Variants in TBL1X observed in about 807,000 individuals in gnomAD.
The protein encoded by TBL1X is F-box-like/WD repeat-containing protein TBL1X.
TBL1X carries 10 observed loss-of-function variants against 50.7 expected under a neutral mutation model. The observed-to-expected ratio is 0.20, with a 90% CI of 0.12 to 0.33. TBL1X has a LOEUF of 0.33. TBL1X is among the 10% of genes least tolerant of loss of function. The probability of loss-of-function intolerance (pLI) is 1.00; values close to 1 mark genes in which losing one functional copy is unlikely to be tolerated. For synonymous variants in TBL1X, 190 were observed against 214.7 expected, an observed-to-expected ratio of 0.88 and a Z score of 1.01; for missense variants, 340 against 504.4, an observed-to-expected ratio of 0.67 and a Z score of 3.12.
At chrX:9,711,212 G>A (rs1218694978) in intron 15 of TBL1X, among the ~76,000 whole-genome samples, 1 of 108,816 alleles carries the variant, frequency 9.2e-6, no homozygotes, top group Non-Finnish European at 1.9e-5. Flanking sequence ...GCCGGGTGTG[G>A]ACCTATGGTT....
intron 17 of TBL1X, 105 bp downstream of exon 17, chrX:9,715,108 C>A: frequency 1.3e-6 from 1 of 795,720 alleles, no homozygotes; most frequent in Non-Finnish European, 1.8e-6. Flanking sequence ...AGGGCCTAGC[C>A]CAGTGCCAAA....
chrX:9,516,707 C>T (rs1263979922), intron 2 of TBL1X, among the ~76,000 whole-genome samples: 1 of 112,262 alleles, frequency 8.9e-6, no homozygotes, highest in Non-Finnish European at 1.9e-5. Context: ...TGATTGGAAG[C>T]CCATCGTTTT....
intron 2 of TBL1X, among the ~76,000 whole-genome samples, chrX:9,584,316 G>A (rs772056850): frequency 2.7e-5 from 3 of 112,510 alleles, no homozygotes; most frequent in South Asian, 3.7e-4. Context: ...CACAGTGAAC[G>A]TGTTAGATTA....
chrX:9,468,778 GGA>G (rs1020855584), intron 1 of TBL1X, among the ~76,000 whole-genome samples: 4 of 110,314 alleles, frequency 3.6e-5, no homozygotes, highest in Non-Finnish European at 5.7e-5. Flanking sequence ...TCGGGTAGAG[GGA>G]GAGAGAGATT....
chrX:9,694,170 C>T (rs1423019121), intron 11 of TBL1X, among the ~76,000 whole-genome samples: 1 of 106,495 alleles, frequency 9.4e-6, no homozygotes, highest in Admixed American at 1.0e-4. Flanking sequence ...AACAGTTGTG[C>T]GTTCCCGAGA....
At chrX:9,574,264 C>T (rs2082399420) in intron 2 of TBL1X, among the ~76,000 whole-genome samples, 2 of 108,710 alleles carry the variant, frequency 1.8e-5, no homozygotes, top group Middle Eastern at 4.6e-3. Flanking sequence ...GCCTGGGCAA[C>T]ATCCTGTCTC....
chrX:9,653,039 C>T (rs1366465445), intron 3 of TBL1X, among the ~76,000 whole-genome samples: 1 of 111,282 alleles, frequency 9.0e-6, no homozygotes, highest in East Asian at 2.8e-4. Flanking sequence ...TTGGCGGGCG[C>T]CTGTAGTCCC....
intron 2 of TBL1X, among the ~76,000 whole-genome samples, chrX:9,510,064 A>G (rs1284408638): frequency 3.6e-5 from 4 of 111,127 alleles, no homozygotes; most frequent in African/African-American, 1.3e-4. Flanking sequence ...TATAATCACC[A>G]CACCCTAACA....
chrX:9,569,138 C>G (rs2082369964), intron 2 of TBL1X, among the ~76,000 whole-genome samples: 1 of 96,575 alleles, frequency 1.0e-5, no homozygotes. Context: ...TGCGTTGTGT[C>G]TATCTGCAGT....
intron 13 of TBL1X, among the ~76,000 whole-genome samples, chrX:9,705,436 A>C (rs182357079): frequency 9.0e-6 from 1 of 110,990 alleles, no homozygotes; most frequent in Admixed American, 9.5e-5. Flanking sequence ...GCACATCTGC[A>C]GTGAATAGAA....
chrX:9,556,430 C>G (rs188707857), intron 2 of TBL1X, among the ~76,000 whole-genome samples: 2 of 107,696 alleles, frequency 1.9e-5, no homozygotes, highest in African/African-American at 3.4e-5. Context: ...GGCTGAGGTG[C>G]AAGAATTGCT....
chrX:9,518,098 C>CAA (rs58522206), intron 2 of TBL1X, among the ~76,000 whole-genome samples: 70 of 68,232 alleles, frequency 1.0e-3, no homozygotes, highest in Non-Finnish European at 1.7e-3. Flanking sequence ...GATCCTCTCT[C>CAA]AAAAAAAAAA....
intron 5 of TBL1X, among the ~76,000 whole-genome samples, chrX:9,682,090 A>G (rs2083028766): frequency 1.8e-5 from 2 of 112,584 alleles, no homozygotes; most frequent in Middle Eastern, 4.6e-3. Flanking sequence ...TCTCTTCCAC[A>G]CTTTGCCAAA....
intron 2 of TBL1X, among the ~76,000 whole-genome samples, chrX:9,522,786 C>T (rs2082112948): frequency 9.0e-6 from 1 of 111,676 alleles, no homozygotes. Context: ...CCTCCTGCCT[C>T]GGTTGAACTC....
At chrX:9,514,984 C>T (rs933356259) in intron 2 of TBL1X, among the ~76,000 whole-genome samples, 7 of 111,330 alleles carry the variant, frequency 6.3e-5, no homozygotes, top group South Asian at 3.8e-4. Context: ...TGACAACCCC[C>T]GGGAAGGCAG....
intron 1 of TBL1X, among the ~76,000 whole-genome samples, chrX:9,491,332 A>ATTTT (rs1346823218): frequency 9.9e-4 from 23 of 23,184 alleles, no homozygotes; most frequent in African/African-American, 4.2e-3. Context: ...ATATATATAT[A>ATTTT]TATATATTTT....
At chrX:9,472,592 A>G (rs938741780) in intron 1 of TBL1X, among the ~76,000 whole-genome samples, 1 of 110,412 alleles carries the variant, frequency 9.1e-6, no homozygotes, top group Non-Finnish European at 1.9e-5. Context: ...GTTCCTGGCC[A>G]ACATATACTT....
chrX:9,506,846 A>G (rs2082028653), intron 2 of TBL1X, among the ~76,000 whole-genome samples: 1 of 112,163 alleles, frequency 8.9e-6, no homozygotes, highest in South Asian at 3.7e-4. Context: ...GCTGAATTCT[A>G]CCAGAAATAC....
At chrX:9,508,334 A>G (rs1256757243) in intron 2 of TBL1X, among the ~76,000 whole-genome samples, 1 of 112,820 alleles carries the variant, frequency 8.9e-6, no homozygotes, top group Non-Finnish European at 1.9e-5. Context: ...CAAGCATGGT[A>G]AAAAGCTCAA....
Sources: allele counts gnomAD v4.1 joint callset (sites outside exome capture counted in the v4.1 genomes callset), GRCh38; gene constraint gnomAD v4.1.1; transcripts MANE v1.5; gene names NCBI Gene and HGNC (gene_info 2026-07-23, HGNC 2026-07-21).